The following KIF16B variants were observed in gnomAD, a reference collection of about 807,000 sequenced individuals.
The protein encoded by KIF16B is kinesin-like protein KIF16B.
KIF16B carries 98 observed loss-of-function variants against 156.3 expected under a neutral mutation model. The ratio of observed to expected loss-of-function variants is 0.63; its 90% CI spans 0.53 to 0.74. The LOEUF (loss-of-function observed/expected upper bound fraction) is 0.74. Among genes scored for constraint, KIF16B ranks in the 30% least tolerant of loss-of-function variants. KIF16B has a pLI of 0.00. For synonymous variants in KIF16B, 564 were observed against 583.7 expected (o/e 0.97, Z 0.49); for missense variants, 1,421 against 1,606.5 (o/e 0.88, Z 1.97).
intron 25 of KIF16B, among the ~76,000 whole-genome samples, chr20:16,275,807 G>A (rs1234058884): frequency 6.6e-6 from 1 of 152,150 alleles, no homozygotes; most frequent in African/African-American, 2.4e-5. Flanking sequence ...TGCGGGAAGG[G>A]ACCCTGAGAA....
chr20:16,449,604 G>A (rs545671791), intron 12 of KIF16B, among the ~76,000 whole-genome samples: 6 of 152,332 alleles, frequency 3.9e-5, no homozygotes, highest in South Asian at 2.1e-4. Context: ...GGTCTAAACC[G>A]AGTGGAAGCA....
intron 12 of KIF16B, among the ~76,000 whole-genome samples, chr20:16,473,202 G>C (rs1432690188): frequency 6.6e-6 from 1 of 152,166 alleles, no homozygotes; most frequent in Admixed American, 6.5e-5. Context: ...AGGAACTTTG[G>C]AGCAAGCAGG....
rs765412024 is a variant in KIF16B at position 16,379,224 on chromosome 20, T to C, written c.2778A>G (p.Arg926=). 6.2e-7 allele frequency: 1 copy of C among 1,614,144 alleles called. No individual in the cohort carries two copies. The highest frequency in any genetic ancestry group is 8.5e-7 in the Non-Finnish European group (1 of 1,180,024). Residue 926 remains arginine (R), a synonymous_variant, in exon 19 of 26, where the codon AGA becomes AGG. Coordinates refer to ENST00000354981, the MANE Select transcript of KIF16B (RefSeq NM_024704.5). ...HLPTLLEEKQ[R]AFEILDRGPL... is the part of the protein sequence containing the mutation. ...GGCCTCTGTCAAGAATTTCAAATGC[T>C]CTCTGCTTTTCTTCCAACAGAGTTG...
At chr20:16,442,367 TAA>T (rs1568538831) in intron 12 of KIF16B, among the ~76,000 whole-genome samples, 5 of 150,134 alleles carry the variant, frequency 3.3e-5, no homozygotes, top group Admixed American at 6.7e-5. Flanking sequence ...TATATATATA[TAA>T]AATAGGTGCC....
intron 25 of KIF16B, among the ~76,000 whole-genome samples, chr20:16,273,970 A>G (rs1162395987): frequency 6.6e-6 from 1 of 152,040 alleles, no homozygotes; most frequent in Non-Finnish European, 1.5e-5. Context: ...CAAGGGTGCC[A>G]GGCACAGGGG....
At chr20:16,428,822 C>A (rs966110769) in intron 14 of KIF16B, 131 bp downstream of exon 14, 3 of 720,464 alleles carry the variant, frequency 4.2e-6, no homozygotes, top group African/African-American at 3.6e-5. Context: ...TACGTACATA[C>A]TGACCAACAC....
At chr20:16,395,409 G>C (rs924485209) in intron 17 of KIF16B, among the ~76,000 whole-genome samples, 6 of 150,118 alleles carry the variant, frequency 4.0e-5, no homozygotes, top group Admixed American at 6.7e-5. Context: ...GAAAGAAATA[G>C]GGAAGGAGTG....
intron 12 of KIF16B, among the ~76,000 whole-genome samples, chr20:16,485,404 T>C (rs1169673513): frequency 6.6e-6 from 1 of 152,230 alleles, no homozygotes; most frequent in East Asian, 1.9e-4. Context: ...CAAGCTGAGT[T>C]CAATAATTAT....
chr20:16,319,606 C>A (rs1347520140), intron 24 of KIF16B, among the ~76,000 whole-genome samples: 1 of 152,164 alleles, frequency 6.6e-6, no homozygotes, highest in African/African-American at 2.4e-5. Context: ...GCTGCTAGAG[C>A]CAGTATTGGT....
chr20:16,449,068 T>C (rs754938323), intron 12 of KIF16B, among the ~76,000 whole-genome samples: 5 of 151,912 alleles, frequency 3.3e-5, no homozygotes, highest in Admixed American at 6.6e-5. Flanking sequence ...GAAAATAATG[T>C]AGGAGAAGAT....
chr20:16,528,566 C>A, intron 1 of KIF16B, 126 bp from the exon 2 acceptor site: 1 of 674,262 alleles, frequency 1.5e-6, no homozygotes, highest in Non-Finnish European at 2.6e-6. Flanking sequence ...ATCTGAGGAG[C>A]AATCCCAGAC....
chr20:16,520,759 C>T (rs1302001302), intron 3 of KIF16B, among the ~76,000 whole-genome samples: 1 of 152,166 alleles, frequency 6.6e-6, no homozygotes, highest in Non-Finnish European at 1.5e-5. Context: ...CAGGGGTTGA[C>T]AGACACCTCA....
At chr20:16,491,994 C>T (rs2068307822) in intron 12 of KIF16B, among the ~76,000 whole-genome samples, 1 of 152,158 alleles carries the variant, frequency 6.6e-6, no homozygotes, top group Non-Finnish European at 1.5e-5. Flanking sequence ...ACCTTCTCCC[C>T]ACCCACTGAC....
rs137898924 is a variant in KIF16B, at chr20:16,363,713, A to G, written c.3498+6873T>C. 3.6e-3 allele frequency among the ~76,000 whole-genome samples: 555 copies of G among 152,260 alleles called. 2 individuals carry two copies. Among genetic ancestry groups the G allele is most frequent in the African/African-American group, 0.013 (523 of 41,536 alleles). On this transcript the variant is annotated intron_variant, in intron 22 of 25. Transcript: ENST00000354981. ...CCCCTTCTGAATAGGTCCCAAAATG[A>G]TATGTGTGGAGCAGACCGACCCTGG...
chr20:16,367,874 C>G (rs778357180), intron 22 of KIF16B: 11 of 1,548,930 alleles, frequency 7.1e-6, no homozygotes, highest in Middle Eastern at 1.7e-4. Flanking sequence ...AGCAGAAGAC[C>G]CTCTGCAGAG....
intron 12 of KIF16B, among the ~76,000 whole-genome samples, chr20:16,488,853 C>G (rs539330976): frequency 2.0e-4 from 30 of 152,276 alleles, no homozygotes; most frequent in Non-Finnish European, 3.5e-4. Context: ...ACCAGAAAAA[C>G]CCAAGAAGAG....
At chr20:16,300,003 G>A (rs934602337) in intron 25 of KIF16B, among the ~76,000 whole-genome samples, 4 of 152,188 alleles carry the variant, frequency 2.6e-5, no homozygotes, top group African/African-American at 9.7e-5. Flanking sequence ...TGTAGTATAT[G>A]AAAATTATAG....
Position 16,460,950 on chromosome 20 carries a change from T to C in KIF16B, c.1303-30968A>G, listed in dbSNP as rs148113961. ...AAAAAATTTAAAAAAGCAATAATTA[T>C]AAACTTCTAGAGAATCTAAATAGAA... On this transcript the variant is annotated intron_variant, in intron 12 of 25. Coordinates refer to ENST00000354981, the MANE Select transcript of KIF16B (RefSeq NM_024704.5). 2.9e-4 allele frequency among the ~76,000 whole-genome samples: 44 copies of C among 152,218 alleles called. No individual in the cohort carries two copies. The East Asian group carries it at 8.5e-3, about 29-fold the overall frequency.
intron 17 of KIF16B, among the ~76,000 whole-genome samples, chr20:16,389,020 G>A (rs1177270018): frequency 6.6e-6 from 1 of 152,036 alleles, no homozygotes. Flanking sequence ...TGCACGGAAG[G>A]GAGACCCCCT....
Sources: gnomAD v4.1 joint callset for allele counts (sites outside exome capture counted in the v4.1 genomes callset) on GRCh38, gnomAD v4.1.1 for gene constraint, MANE v1.5 for transcripts, NCBI Gene and HGNC (gene_info 2026-07-23, HGNC 2026-07-21) for gene names.